GABPB1: variants seen among roughly 807,000 people sequenced by gnomAD.
GABPB1 encodes the protein GA-binding protein subunit beta-1.
A neutral mutation model predicts 45.9 loss-of-function variants in GABPB1; 15 were observed. The ratio of observed to expected loss-of-function variants is 0.33; its 90% confidence interval spans 0.22 to 0.50. The LOEUF (loss-of-function observed/expected upper bound fraction) is 0.50, where lower values mean the gene tolerates loss of function less well. Ranked by LOEUF, GABPB1 falls within the 20% of genes least tolerant of loss-of-function variation. The pLI is 0.98. For missense variants in GABPB1, 252 were observed against 457.5 expected, an observed-to-expected ratio of 0.55 and a Z score of 4.10; for synonymous variants, 143 against 154.4, an observed-to-expected ratio of 0.93 and a Z score of 0.55.
intron 1 of GABPB1, among the ~76,000 whole-genome samples, chr15:50,311,491 G>A (rs2047130086): frequency 6.6e-6 from 1 of 152,144 alleles, no homozygotes; most frequent in Non-Finnish European, 1.5e-5. Flanking sequence ...ACTATTACAG[G>A]TTGAGTATCC....
At chr15:50,316,822 T>C in intron 1 of GABPB1, among the ~76,000 whole-genome samples, 1 of 152,294 alleles carries the variant, frequency 6.6e-6, no homozygotes, top group Middle Eastern at 3.4e-3. Context: ...GAACAATTTG[T>C]AGTATATATA....
intron 1 of GABPB1, among the ~76,000 whole-genome samples, chr15:50,317,421 G>A (rs140595104): frequency 2.8e-4 from 38 of 136,170 alleles, no homozygotes; most frequent in East Asian, 7.7e-4. Context: ...AAAAAAGAAA[G>A]AAAAAAAAAA....
In GABPB1 at chr15:50,289,534, T is replaced by A; in HGVS notation, c.832A>T (p.Thr278Ser). 1 of 1,613,678 alleles carries A rather than the reference T, an allele frequency of 6.2e-7. No individual in the cohort carries two copies. Among genetic ancestry groups the A allele is most frequent in the Admixed American group, 1.7e-5 (1 of 59,980 alleles). ...IQLGNLHSIP[T>S]SGIGQPIIVT... is the part of the protein sequence containing the mutation. ...ATGATGGGCTGACCAATTCCACTGG[T>A]TGGAATAGAGTGCAAATTTCCAAGC... The change falls in exon 7 of 9, where the codon ACC becomes TCC. Residue 278 changes from threonine (T) to serine (S), a missense_variant. Transcript: ENST00000380877.
chr15:50,325,194 A>C (rs1233601458), intron 1 of GABPB1, among the ~76,000 whole-genome samples: 1 of 152,064 alleles, frequency 6.6e-6, no homozygotes, highest in Non-Finnish European at 1.5e-5. Context: ...AAGAGGGACA[A>C]GTGTACCCCA....
chr15:50,352,339 T>A (rs1224838682), intron 1 of GABPB1: 2 of 145,372 alleles, frequency 1.4e-5, no homozygotes, highest in Admixed American at 6.7e-5. Context: ...AGCATACTTT[T>A]TTTTTTTTTT....
At chr15:50,289,000 T>A (rs567232675) in intron 7 of GABPB1, among the ~76,000 whole-genome samples, 44 of 152,246 alleles carry the variant, frequency 2.9e-4, no homozygotes, top group Non-Finnish European at 5.3e-4. Context: ...TAATTTTGAA[T>A]ATTTTTTTTA....
intron 1 of GABPB1, chr15:50,354,057 C>T (rs1187180488): frequency 7.8e-6 from 2 of 256,158 alleles, no homozygotes; most frequent in Admixed American, 5.9e-5. Context: ...TGGGAAGACA[C>T]ACACAAAGCA....
At chr15:50,347,892 C>T (rs1367153729) in intron 1 of GABPB1, among the ~76,000 whole-genome samples, 1 of 152,046 alleles carries the variant, frequency 6.6e-6, no homozygotes, top group Non-Finnish European at 1.5e-5. Flanking sequence ...CCCGTCTCTA[C>T]TAAAAATACA....
chr15:50,295,378 T>C (rs895355884), intron 6 of GABPB1, among the ~76,000 whole-genome samples: 3 of 152,182 alleles, frequency 2.0e-5, no homozygotes, highest in African/African-American at 7.2e-5. Flanking sequence ...TCAAGCTCTT[T>C]CCTGCCTCAA....
intron 8 of GABPB1, among the ~76,000 whole-genome samples, chr15:50,280,147 C>G (rs752602235): frequency 6.6e-6 from 1 of 152,076 alleles, no homozygotes; most frequent in African/African-American, 2.4e-5. Flanking sequence ...TCCAATTACA[C>G]AAAATGTACA....
intron 7 of GABPB1, among the ~76,000 whole-genome samples, chr15:50,287,097 CA>C (rs1420860940): frequency 2.0e-5 from 3 of 152,138 alleles, no homozygotes; most frequent in Admixed American, 6.5e-5. Flanking sequence ...CTTTTTTATT[CA>C]TGACATAAAT....
intron 1 of GABPB1, among the ~76,000 whole-genome samples, chr15:50,321,075 T>C (rs1206771812): frequency 6.6e-6 from 1 of 152,204 alleles, no homozygotes; most frequent in Non-Finnish European, 1.5e-5. Context: ...ACGATAGGAA[T>C]AGGAAACAAA....
intron 1 of GABPB1, among the ~76,000 whole-genome samples, chr15:50,338,648 AT>A (rs1319044893): frequency 6.6e-6 from 1 of 151,588 alleles, no homozygotes; most frequent in Non-Finnish European, 1.5e-5. Flanking sequence ...TAATTTTTCT[AT>A]TTTTTGTAGA....
At chr15:50,296,858 T>C (rs2046529797) in intron 6 of GABPB1, among the ~76,000 whole-genome samples, 1 of 152,098 alleles carries the variant, frequency 6.6e-6, no homozygotes, top group Admixed American at 6.6e-5. Flanking sequence ...AAATTGAGCT[T>C]TAAGTTGTTT....
intron 8 of GABPB1, 113 bp from the exon 9 acceptor site, chr15:50,278,897 A>T (rs2045893387): frequency 1.3e-6 from 1 of 778,980 alleles, no homozygotes; most frequent in Non-Finnish European, 1.9e-6. Context: ...AAAAGCAGCC[A>T]CCTATTGAAA....
intron 1 of GABPB1, among the ~76,000 whole-genome samples, chr15:50,348,515 T>A (rs2048692977): frequency 6.6e-6 from 1 of 150,694 alleles, no homozygotes; most frequent in South Asian, 2.2e-4. Flanking sequence ...CCTCCCAAAG[T>A]GCTGGGATTA....
intron 6 of GABPB1, among the ~76,000 whole-genome samples, chr15:50,294,179 C>T (rs1261726171): frequency 6.6e-6 from 1 of 152,056 alleles, no homozygotes; most frequent in African/African-American, 2.4e-5. Context: ...TTTGAAATGT[C>T]CTAAAAGATT....
intron 7 of GABPB1, among the ~76,000 whole-genome samples, chr15:50,288,562 CT>C (rs2046241162): frequency 2.0e-5 from 3 of 152,132 alleles, no homozygotes; most frequent in African/African-American, 7.2e-5. Context: ...AGCTTAACCC[CT>C]TTTCTTTCCT....
intron 1 of GABPB1, chr15:50,352,817 C>T (rs965320782): frequency 6.6e-6 from 1 of 152,208 alleles, no homozygotes; most frequent in African/African-American, 2.4e-5. Context: ...TGGAAACAAA[C>T]TTAGCTTCCT....
Sources: gnomAD v4.1 joint callset for allele counts (sites outside exome capture counted in the v4.1 genomes callset) on GRCh38, gnomAD v4.1.1 for gene constraint, MANE v1.5 for transcripts, NCBI Gene and HGNC (gene_info 2026-07-23, HGNC 2026-07-21) for gene names.